Variants in WAC observed in about 807,000 individuals in gnomAD.
The protein encoded by WAC is WW domain-containing adapter protein with coiled-coil.
WAC carries 11 observed loss-of-function variants against 79.6 expected under a neutral mutation model. That is an observed-to-expected ratio of 0.14 (90% CI 0.09 to 0.23). WAC has a LOEUF of 0.23. WAC is among the 10% of genes least tolerant of loss of function. The probability of loss-of-function intolerance (pLI) is 1.00; values close to 1 mark genes in which losing one functional copy is unlikely to be tolerated. For missense variants in WAC, 728 were observed against 773.5 expected (o/e 0.94, Z 0.70); for synonymous variants, 304 against 276.9 (o/e 1.10, Z -0.97).
At chr10:28,568,776 GC>G (rs1180319576) in intron 3 of WAC, among the ~76,000 whole-genome samples, 1 of 152,042 alleles carries the variant, frequency 6.6e-6, no homozygotes, top group Non-Finnish European at 1.5e-5. Context: ...GTTTCACTAT[GC>G]TGACCAGGCT....
At chr10:28,618,424 A>T (rs1409476859) in intron 13 of WAC, among the ~76,000 whole-genome samples, 1 of 152,232 alleles carries the variant, frequency 6.6e-6, no homozygotes, top group Non-Finnish European at 1.5e-5. Flanking sequence ...AATGGAGTTT[A>T]TAGTACAACT....
At chr10:28,586,793 GA>G (rs1185656052) in intron 4 of WAC, among the ~76,000 whole-genome samples, 1 of 151,704 alleles carries the variant, frequency 6.6e-6, no homozygotes, top group Non-Finnish European at 1.5e-5. Flanking sequence ...TCTGAATTAG[GA>G]AAAAAATGTT....
At chr10:28,574,687 G>A (rs779179763) in intron 3 of WAC, among the ~76,000 whole-genome samples, 8 of 152,144 alleles carry the variant, frequency 5.3e-5, no homozygotes, top group South Asian at 2.1e-4. Context: ...CAGGCAATCC[G>A]CTTGCCTCAG....
At chr10:28,572,210 G>C (rs1458179745) in intron 3 of WAC, among the ~76,000 whole-genome samples, 1 of 151,838 alleles carries the variant, frequency 6.6e-6, no homozygotes, top group Non-Finnish European at 1.5e-5. Context: ...GGTGGCAGGT[G>C]CATGTAATCC....
chr10:28,579,367 C>T (rs1298781684), intron 3 of WAC, among the ~76,000 whole-genome samples: 3 of 152,076 alleles, frequency 2.0e-5, no homozygotes, highest in Non-Finnish European at 2.9e-5. Context: ...TGCACTCTGT[C>T]TCTCACCAGC....
Position 28,611,786 on chromosome 10 carries a change from A to G in WAC, c.1301A>G (p.Asn434Ser), listed in dbSNP as rs1234162325. Residue 434 changes from asparagine to serine, a missense_variant, in exon 10 of 14, where the codon AAT (asparagine) becomes AGT (serine). By Grantham distance (46) the Asn-to-Ser change is conservative. Coordinates refer to ENST00000354911, the MANE Select transcript of WAC (RefSeq NM_016628.5). ...CCCTCTTTTACAGCCCAGCCATCTA[A>G]TCAGTCTCCGATGTCTTTAACATCT... is the stretch of plus-strand genomic sequence containing the variant. Reference protein sequence around the residue: ...AQLSTQAQPSNQSPMSLTSDA... With the variant: ...AQLSTQAQPSSQSPMSLTSDA... 1.7e-5 allele frequency: 28 copies of G among 1,612,544 alleles called. No individual in the cohort carries two copies. The highest frequency in any genetic ancestry group is 1.5e-4 in the Admixed American group (9 of 59,618).
chr10:28,612,424 G>A (rs989403803), intron 10 of WAC, among the ~76,000 whole-genome samples: 4 of 152,164 alleles, frequency 2.6e-5, no homozygotes, highest in African/African-American at 9.7e-5. Context: ...CTAGGTGTTT[G>A]TGAATACAGG....
chr10:28,572,007 A>G (rs1179626635), intron 3 of WAC, among the ~76,000 whole-genome samples: 1 of 152,232 alleles, frequency 6.6e-6, no homozygotes, highest in Non-Finnish European at 1.5e-5. Flanking sequence ...ATTTAAAAAT[A>G]AAACAGGGAG....
Position 28,608,491 on chromosome 10 carries a change from G to C in WAC, c.1165+60G>C, listed in dbSNP as rs1433122979. 23 of 1,447,558 alleles carry C rather than the reference G, an allele frequency of 1.6e-5. No homozygotes were observed. The Admixed American group carries it at 4.8e-4, about 30-fold the overall frequency. 89.7% of individuals were successfully genotyped at this position (1,447,558 alleles called of 1,614,324 possible). The stretch of plus-strand genomic sequence containing the variant: ...TGCATTGTGCAAAGTTATGTAAGTA[G>C]TAAAATCCCCAGTTTAGGAATGGTC... On this transcript the variant is annotated intron_variant, in intron 8 of 13. Transcript: ENST00000354911.
At chr10:28,570,327 T>G (rs750431320) in intron 3 of WAC, among the ~76,000 whole-genome samples, 10 of 152,202 alleles carry the variant, frequency 6.6e-5, no homozygotes, top group Non-Finnish European at 1.3e-4. Flanking sequence ...GTCTTAAAAC[T>G]TTTTTGCTAT....
chr10:28,565,900 T>C (rs1838575208), intron 3 of WAC, among the ~76,000 whole-genome samples: 1 of 152,174 alleles, frequency 6.6e-6, no homozygotes, highest in African/African-American at 2.4e-5. Flanking sequence ...TTACAGGTAA[T>C]TTTGCTGCCA....
intron 6 of WAC, among the ~76,000 whole-genome samples, chr10:28,595,349 C>T (rs141528364): frequency 3.3e-5 from 5 of 152,060 alleles, no homozygotes; most frequent in South Asian, 2.1e-4. Context: ...TGTAAAAGAA[C>T]GAAGCATTTA....
Position 28,611,891 on chromosome 10 carries a change from T to G in WAC, c.1406T>G (p.Ile469Ser). 1 of 1,614,148 alleles carries G rather than the reference T, an allele frequency of 6.2e-7. No individual in the cohort carries two copies. Among genetic ancestry groups the G allele is most frequent in the Non-Finnish European group, 8.5e-7 (1 of 1,180,022 alleles). The change falls in exon 10 of 14, where the codon ATC (isoleucine) becomes AGC (serine). Residue 469 changes from isoleucine to serine, a missense_variant. Ile to Ser is a moderately radical substitution (Grantham distance 142). This residue lies in a region of WAC where 648 missense variants were observed against 661.5 expected (regional missense o/e 0.98). Transcript: ENST00000354911. Reference sequence around the variant, plus strand: ...AACACAGTCCCTATCAAACCTTTGATCAGTACTCCTCCTGTTTCATCACAG... The same window carrying G: ...AACACAGTCCCTATCAAACCTTTGAGCAGTACTCCTCCTGTTTCATCACAG... The part of the protein sequence containing the change: ...QTNTVPIKPL[I>S]STPPVSSQPK...
chr10:28,591,385 C>G (rs552550617), intron 6 of WAC: 7 of 152,550 alleles, frequency 4.6e-5, no homozygotes, highest in African/African-American at 1.7e-4. Flanking sequence ...AGAAAACTTA[C>G]ACCTTTTTGT....
At chr10:28,603,527 G>T (rs1403460963) in intron 7 of WAC, among the ~76,000 whole-genome samples, 1 of 152,094 alleles carries the variant, frequency 6.6e-6, no homozygotes, top group African/African-American at 2.4e-5. Context: ...TGGATTTTCT[G>T]TTTATGTTCA....
chr10:28,535,642 A>G lies in WAC; in HGVS notation c.159A>G (p.Ser53=), dbSNP rs761443732. The part of the protein sequence containing the change: ...HEKMRDAGDP[S]PPNKMLRRSD... ...AGATGCGAGACGCCGGAGATCCTTC[A>G]CCACCAAATAAAATGTTGCGGAGAT... The change falls in exon 3 of 14, where the codon TCA becomes TCG. Residue 53 remains serine, a synonymous_variant. Transcript: ENST00000354911. 3 of 1,614,102 alleles carry G rather than the reference A, an allele frequency of 1.9e-6. No individual in the cohort carries two copies. Among genetic ancestry groups the G allele is most frequent in the South Asian group, 2.2e-5 (2 of 91,088 alleles).
intron 6 of WAC, among the ~76,000 whole-genome samples, chr10:28,594,798 T>A (rs887535848): frequency 3.2e-4 from 48 of 152,352 alleles, no homozygotes; most frequent in Middle Eastern, 3.4e-3. Flanking sequence ...TTTCTCTCCT[T>A]GGAGGTTATT....
At chr10:28,559,133 C>A (rs1035065585) in intron 3 of WAC, among the ~76,000 whole-genome samples, 105 of 65,454 alleles carry the variant, frequency 1.6e-3, no homozygotes, top group African/African-American at 9.2e-3. Context: ...CTCGAGAAAC[C>A]TGATGTGTGT....
At chr10:28,611,260 C>T in intron 9 of WAC, 1 of 1,291,966 alleles carries the variant, frequency 7.7e-7, no homozygotes, top group South Asian at 1.2e-5. Context: ...ATTAGATATC[C>T]CTCTTCATGA....
Sources: gnomAD v4.1 joint callset for allele counts (sites outside exome capture counted in the v4.1 genomes callset) on GRCh38, gnomAD v4.1.1 for gene constraint, gnomAD v4.1.1 regional missense constraint, MANE v1.5 for transcripts, NCBI Gene and HGNC (gene_info 2026-07-23, HGNC 2026-07-21) for gene names.